The following PRKAR1B variants were observed in gnomAD, a reference collection of about 807,000 sequenced individuals.
The protein encoded by PRKAR1B is cAMP-dependent protein kinase type I-beta regulatory subunit.
Under a neutral mutation model 46.5 loss-of-function variants are expected in PRKAR1B, and 22 were observed. That is an observed-to-expected ratio of 0.47 (90% CI 0.34 to 0.68). PRKAR1B has a LOEUF of 0.68. Ranked by LOEUF, PRKAR1B falls within the 30% of genes least tolerant of loss-of-function variation. PRKAR1B has a pLI of 0.01. For synonymous variants in PRKAR1B, 259 were observed against 217.7 expected, an observed-to-expected ratio of 1.19 and a Z score of -1.67; for missense variants, 445 against 535.6, an observed-to-expected ratio of 0.83 and a Z score of 1.67.
At position 550,386 on chromosome 7, in the gene PRKAR1B, G is replaced by A. The variant is rs781502778; in HGVS notation, c.*44C>T. 3.8e-5 allele frequency: 59 copies of A among 1,546,654 alleles called. No homozygotes were observed. Among genetic ancestry groups the A allele is most frequent in the African/African-American group, 9.6e-5 (7 of 73,160 alleles). On this transcript the variant is annotated 3_prime_UTR_variant, in exon 11 of 11. Coordinates refer to ENST00000537384, the MANE Select transcript of PRKAR1B (RefSeq NM_001164760.2). Reference sequence around the variant, plus strand: ...CCCCCGACACAGACGAGCAGGGCACGGCCACCACACTGGGGAGCTGGGGCT... The same window carrying A: ...CCCCCGACACAGACGAGCAGGGCACAGCCACCACACTGGGGAGCTGGGGCT...
At chr7:645,108 C>T (rs1209522547) in intron 4 of PRKAR1B, among the ~76,000 whole-genome samples, 1 of 152,156 alleles carries the variant, frequency 6.6e-6, no homozygotes, top group Non-Finnish European at 1.5e-5. Flanking sequence ...CCACATCCTC[C>T]CCTCACACCC....
At chr7:614,321 C>T (rs2128470087) in intron 4 of PRKAR1B, among the ~76,000 whole-genome samples, 1 of 152,356 alleles carries the variant, frequency 6.6e-6, no homozygotes, top group South Asian at 2.1e-4. Flanking sequence ...ACGGCTAAGA[C>T]CCAGGTCTTC....
chr7:713,742 G>GCCCTGCACAGT (rs1387801930), intron 1 of PRKAR1B, among the ~76,000 whole-genome samples: 1 of 152,184 alleles, frequency 6.6e-6, no homozygotes, highest in Non-Finnish European at 1.5e-5. Context: ...GCCTGCACAG[G>GCCCTGCACAGT]CACTACACAG....
At chr7:551,191 G>A (rs1276627462) in intron 10 of PRKAR1B, among the ~76,000 whole-genome samples, 198 bp downstream of exon 10, 1 of 152,142 alleles carries the variant, frequency 6.6e-6, no homozygotes, top group Non-Finnish European at 1.5e-5. Flanking sequence ...TTGCTCCTGG[G>A]GACCCAGACC....
Position 618,603 on chromosome 7 carries a change from T to C in PRKAR1B, c.441-11151A>G, listed in dbSNP as rs149545044. Among the ~76,000 whole-genome samples the C allele has an allele frequency of 5.9e-3, 894 of 152,326 alleles. 9 individuals are homozygous for C. The highest frequency in any genetic ancestry group is 0.019 in the African/African-American group (788 of 41,572). On this transcript the variant is annotated intron_variant, in intron 4 of 10. Transcript: ENST00000537384. Reference sequence around the variant, plus strand: ...CCACGTCACCACATTGCCTGACACGTTGGGGCTGCGGCTTTGAACTGCCGT... The same window carrying C: ...CCACGTCACCACATTGCCTGACACGCTGGGGCTGCGGCTTTGAACTGCCGT...
chr7:625,262 C>G (rs1383942671), intron 4 of PRKAR1B, among the ~76,000 whole-genome samples: 1 of 152,012 alleles, frequency 6.6e-6, no homozygotes, highest in Non-Finnish European at 1.5e-5. Context: ...GTAGCAAAAG[C>G]AACACTTAGA....
At chr7:647,733 G>A (rs184435047) in intron 4 of PRKAR1B, among the ~76,000 whole-genome samples, 11 of 150,890 alleles carry the variant, frequency 7.3e-5, no homozygotes, top group African/African-American at 1.5e-4. Context: ...ATGAACCTGG[G>A]GGGGCAGAGC....
intron 4 of PRKAR1B, among the ~76,000 whole-genome samples, chr7:617,990 C>G (rs1782925578): frequency 6.6e-6 from 1 of 152,150 alleles, no homozygotes; most frequent in African/African-American, 2.4e-5. Context: ...TCCAGGGAAG[C>G]AGAGGCCCCA....
chr7:675,718 C>T (rs946388932), intron 4 of PRKAR1B, among the ~76,000 whole-genome samples: 1 of 152,104 alleles, frequency 6.6e-6, no homozygotes, highest in Non-Finnish European at 1.5e-5. Context: ...GAGGCCGAGG[C>T]AGGTGGATCA....
intron 2 of PRKAR1B, among the ~76,000 whole-genome samples, chr7:694,448 A>G (rs900784485): frequency 2.0e-5 from 3 of 152,078 alleles, no homozygotes; most frequent in Non-Finnish European, 2.9e-5. Flanking sequence ...GCCAACCCCA[A>G]AGAGACTAGC....
chr7:608,511 G>A (rs1400270019), intron 4 of PRKAR1B: 1 of 152,378 alleles, frequency 6.6e-6, no homozygotes, highest in Non-Finnish European at 1.5e-5. Context: ...TATTTAAGAA[G>A]TGCTTCTTTT....
chr7:660,772 A>G (rs188674881), intron 4 of PRKAR1B, among the ~76,000 whole-genome samples: 217 of 59,292 alleles, frequency 3.7e-3, no homozygotes, highest in Middle Eastern at 0.042. Context: ...TCCCCTCCAT[A>G]GCACAGGTCC....
At chr7:632,184 T>C (rs1373754155) in intron 4 of PRKAR1B, among the ~76,000 whole-genome samples, 1 of 152,194 alleles carries the variant, frequency 6.6e-6, no homozygotes, top group African/African-American at 2.4e-5. Context: ...CTTGTCTGTG[T>C]GAACCCTGTG....
chr7:681,886 C>T (rs542613026), intron 2 of PRKAR1B, among the ~76,000 whole-genome samples: 5 of 152,200 alleles, frequency 3.3e-5, no homozygotes, highest in African/African-American at 9.6e-5. Context: ...GTTTGCATAA[C>T]CTGCAGCCTA....
intron 4 of PRKAR1B, among the ~76,000 whole-genome samples, chr7:639,383 A>G (rs1285272703): frequency 2.0e-5 from 3 of 152,230 alleles, no homozygotes; most frequent in African/African-American, 4.8e-5. Flanking sequence ...GATACCCACT[A>G]AGAACAATGA....
At chr7:620,497 C>A (rs926343665) in intron 4 of PRKAR1B, among the ~76,000 whole-genome samples, 1 of 152,044 alleles carries the variant, frequency 6.6e-6, no homozygotes, top group Admixed American at 6.6e-5. Context: ...CCCTTGGGCT[C>A]TTTTTTTTCT....
intron 3 of PRKAR1B, among the ~76,000 whole-genome samples, chr7:678,213 G>A (rs567268805): frequency 6.6e-6 from 1 of 152,368 alleles, no homozygotes; most frequent in South Asian, 2.1e-4. Flanking sequence ...AGGTTGCCAT[G>A]AGGCAAGATC....
intron 9 of PRKAR1B, among the ~76,000 whole-genome samples, chr7:572,638 C>T (rs1269789279): frequency 2.6e-5 from 4 of 152,336 alleles, no homozygotes; most frequent in African/African-American, 4.8e-5. Context: ...ATCACATCTT[C>T]GGGCGGAGTG....
intron 2 of PRKAR1B, 50 bp from the exon 3 acceptor site, chr7:680,776 G>T (rs187610634): frequency 1.2e-6 from 2 of 1,604,038 alleles, no homozygotes; most frequent in South Asian, 2.2e-5. Flanking sequence ...TGGCTGTCCC[G>T]GCCAGGCACA....
Sources: gnomAD v4.1 joint callset for allele counts (sites outside exome capture counted in the v4.1 genomes callset) on GRCh38, gnomAD v4.1.1 for gene constraint, MANE v1.5 for transcripts, NCBI Gene and HGNC (gene_info 2026-07-23, HGNC 2026-07-21) for gene names.